Variants in GRM7 observed in about 807,000 individuals in gnomAD.
GRM7 encodes the protein glutamate metabotropic receptor 7.
Under a neutral mutation model 84.5 loss-of-function variants are expected in GRM7, and 35 were observed. The observed-to-expected ratio is 0.41, with a 90% CI of 0.32 to 0.55. The LOEUF is 0.55. Ranked by LOEUF, GRM7 falls within the 20% of genes least tolerant of loss-of-function variation. GRM7 has a pLI of 0.19. For missense variants in GRM7, 1,003 were observed against 1,194.6 expected (o/e 0.84, Z 2.36); for synonymous variants, 487 against 455.1 (o/e 1.07, Z -0.89).
chr3:7,263,156 T>C (rs1309300146), intron 2 of GRM7, among the ~76,000 whole-genome samples: 1 of 152,218 alleles, frequency 6.6e-6, no homozygotes, highest in Non-Finnish European at 1.5e-5. Flanking sequence ...GTGGATTCGG[T>C]CAACTGGCTT....
intron 2 of GRM7, among the ~76,000 whole-genome samples, chr3:7,233,445 T>C (rs2124905100): frequency 6.6e-6 from 1 of 152,238 alleles, no homozygotes; most frequent in Admixed American, 6.5e-5. Context: ...ATGCAGAGAT[T>C]GGTTTGAATC....
intron 1 of GRM7, among the ~76,000 whole-genome samples, chr3:7,106,198 G>T (rs73115090): frequency 6.6e-6 from 1 of 151,474 alleles, no homozygotes; most frequent in African/African-American, 2.4e-5. Context: ...CTTTAAAACA[G>T]AAATTTCTGA....
intron 4 of GRM7, among the ~76,000 whole-genome samples, chr3:7,403,649 A>ATATG (rs1200355185): frequency 7.0e-6 from 1 of 143,194 alleles, no homozygotes; most frequent in African/African-American, 2.6e-5. Context: ...ATATATATAT[A>ATATG]TGTACATACA....
At chr3:7,294,091 G>A (rs1047619078) in intron 2 of GRM7, among the ~76,000 whole-genome samples, 3 of 152,036 alleles carry the variant, frequency 2.0e-5, no homozygotes, top group Non-Finnish European at 2.9e-5. Flanking sequence ...GCTCACCTGC[G>A]GGCAATTCCC....
intron 1 of GRM7, among the ~76,000 whole-genome samples, chr3:6,939,445 A>C (rs924468170): frequency 5.3e-5 from 8 of 152,300 alleles, no homozygotes; most frequent in African/African-American, 1.9e-4. Context: ...TAAAAAAAAA[A>C]AACAGTTATT....
At chr3:7,118,835 A>G (rs189631029) in intron 1 of GRM7, among the ~76,000 whole-genome samples, 1 of 152,226 alleles carries the variant, frequency 6.6e-6, no homozygotes, top group East Asian at 1.9e-4. Flanking sequence ...GTTTTTTCCA[A>G]TCACAAGAAC....
intron 8 of GRM7, among the ~76,000 whole-genome samples, chr3:7,625,826 T>A (rs111607262): frequency 2.6e-5 from 4 of 152,146 alleles, no homozygotes; most frequent in Non-Finnish European, 5.9e-5. Flanking sequence ...GTAGGACTTC[T>A]AAAGAGAGGC....
intron 2 of GRM7, among the ~76,000 whole-genome samples, chr3:7,167,125 G>C (rs1038444457): frequency 2.6e-5 from 4 of 152,134 alleles, no homozygotes; most frequent in African/African-American, 9.7e-5. Context: ...AAGTGATTTT[G>C]TTTCCAATCA....
chr3:7,236,825 A>G (rs1697364793), intron 2 of GRM7, among the ~76,000 whole-genome samples: 1 of 152,204 alleles, frequency 6.6e-6, no homozygotes, highest in African/African-American at 2.4e-5. Context: ...AACCTGGTTC[A>G]GATCAGCAAA....
intron 7 of GRM7, among the ~76,000 whole-genome samples, chr3:7,488,640 A>C (rs73017809): frequency 0.015 from 2,283 of 152,326 alleles, 33 homozygotes; most frequent in Non-Finnish European, 0.024. Flanking sequence ...AGGCAAGCAG[A>C]TGCTGGTGTG....
At chr3:6,864,747 G>T (rs1237209234) in intron 1 of GRM7, among the ~76,000 whole-genome samples, 1 of 152,170 alleles carries the variant, frequency 6.6e-6, no homozygotes, top group Non-Finnish European at 1.5e-5. Context: ...AATGGGGGGT[G>T]CTGAGCACTG....
At chr3:6,910,546 A>G (rs938178066) in intron 1 of GRM7, among the ~76,000 whole-genome samples, 3 of 152,124 alleles carry the variant, frequency 2.0e-5, no homozygotes, top group Non-Finnish European at 4.4e-5. Context: ...ATGCAAAATC[A>G]TGACCTCCAC....
At chr3:7,343,287 G>A (rs140960531) in intron 4 of GRM7, among the ~76,000 whole-genome samples, 53 of 152,178 alleles carry the variant, frequency 3.5e-4, no homozygotes, top group African/African-American at 1.2e-3. Context: ...AGACTGGAGT[G>A]CGGTAGCATG....
intron 9 of GRM7, chr3:7,693,510 TTTGTTCTTGGACC>T (rs1182621164): frequency 5.8e-6 from 4 of 691,392 alleles, no homozygotes; most frequent in Non-Finnish European, 1.0e-5. Context: ...ATGCTACATT[TTTGTTCTTGGACC>T]TTAATTCCTC....
chr3:7,068,368 A>G (rs1697742755), intron 1 of GRM7, among the ~76,000 whole-genome samples: 1 of 152,090 alleles, frequency 6.6e-6, no homozygotes, highest in African/African-American at 2.4e-5. Flanking sequence ...ACATCGATTT[A>G]AACACTGTTT....
At chr3:7,685,814 A>G (rs1361981069) in intron 9 of GRM7, among the ~76,000 whole-genome samples, 1 of 151,976 alleles carries the variant, frequency 6.6e-6, no homozygotes, top group East Asian at 1.9e-4. Flanking sequence ...AAGAAAAAGA[A>G]TTCAGACTGC....
intron 9 of GRM7, among the ~76,000 whole-genome samples, chr3:7,721,150 T>C (rs1701932987): frequency 6.6e-6 from 1 of 152,232 alleles, no homozygotes; most frequent in East Asian, 1.9e-4. Flanking sequence ...ACAGGATCCA[T>C]ATTTAACCTC....
At chr3:6,940,134 C>T (rs1697835125) in intron 1 of GRM7, among the ~76,000 whole-genome samples, 1 of 152,026 alleles carries the variant, frequency 6.6e-6, no homozygotes, top group African/African-American at 2.4e-5. Flanking sequence ...CCTCTGCCAC[C>T]AGGCTGGAAT....
At chr3:7,562,878 T>C (rs1476042765) in intron 7 of GRM7, among the ~76,000 whole-genome samples, 1 of 152,148 alleles carries the variant, frequency 6.6e-6, no homozygotes. Context: ...CAAAAGATTA[T>C]GTTGCAGGGC....
Sources: gnomAD v4.1 joint callset for allele counts (sites outside exome capture counted in the v4.1 genomes callset) on GRCh38, gnomAD v4.1.1 for gene constraint, MANE v1.5 for transcripts, NCBI Gene and HGNC (gene_info 2026-07-23, HGNC 2026-07-21) for gene names.